The following RCC1 variants were observed in gnomAD, a reference collection of about 807,000 sequenced individuals.
RCC1 encodes regulator of chromosome condensation.
Under a neutral mutation model 44.4 loss-of-function variants are expected in RCC1, and 11 were observed. The observed-to-expected ratio is 0.25, with a 90% confidence interval of 0.16 to 0.41. RCC1 has a LOEUF of 0.41. RCC1 is among the 10% of genes least tolerant of loss of function. RCC1 has a pLI of 1.00. For missense variants in RCC1, 386 were observed against 547.1 expected (o/e 0.71, Z 2.94); for synonymous variants, 213 against 216.5 (o/e 0.98, Z 0.14).
At chr1:28,510,720 G>C (rs1662471885) in intron 3 of RCC1, 1 of 152,246 alleles carries the variant, frequency 6.6e-6, no homozygotes. Context: ...GGAACCAAAA[G>C]ACTAATTGTC....
rs1329616590 is a variant in RCC1, at chr1:28,532,356, G to T, written c.441+6G>T. 6.2e-7 allele frequency: 1 copy of T among 1,613,582 alleles called. No individual in the cohort carries two copies. The highest frequency in any genetic ancestry group is 8.5e-7 in the Non-Finnish European group (1 of 1,179,828). ...TCCTCTGGGGCTCCTTCCGGGTAAG[G>T]CTGGGTCTGAAAGTCTGCATGGTCC... On this transcript the variant is annotated splice_donor_region_variant and intron_variant, in intron 7 of 12. Transcript: ENST00000683442.
chr1:28,538,001 G>C lies in RCC1; in HGVS notation c.1260G>C (p.Gln420His). 6.2e-7 allele frequency: 1 copy of C among 1,613,198 alleles called. No individual in the cohort carries two copies. The highest frequency in any genetic ancestry group is 1.1e-5 in the South Asian group (1 of 90,818). The change falls in exon 13 of 13, where the codon CAG becomes CAC. Residue 420 changes from glutamine to histidine, a missense_variant. Coordinates refer to ENST00000683442, the MANE Select transcript of RCC1 (RefSeq NM_001381865.2). Reference sequence around the variant, plus strand: ...TCTTATTAGTCAAGGACAAAGAACAGAGCTGATGAAGCCTCTGAGGGCCTG... The same window carrying C: ...TCTTATTAGTCAAGGACAAAGAACACAGCTGATGAAGCCTCTGAGGGCCTG... ...HTVLLVKDKE[Q>H]S
intron 4 of RCC1, among the ~76,000 whole-genome samples, chr1:28,521,176 C>T (rs186952581): frequency 5.9e-5 from 9 of 152,206 alleles, no homozygotes; most frequent in South Asian, 2.1e-4. Flanking sequence ...GCTGTGCAGG[C>T]AGGTACCGGG....
rs1398570965 is a variant in RCC1 at position 28,538,114 on chromosome 1, GTGTCAGTTCC to G, written c.*110_*119del. On this transcript the variant is annotated 3_prime_UTR_variant, in exon 13 of 13. Transcript: ENST00000683442. Reference sequence around the variant, plus strand: ...GGGCCTCTCCCCAGCCCTGAGCACTGTGTCAGTTCCTGCCTTTTCTCATCAGCAGAACAGA... The same window carrying G: ...GGGCCTCTCCCCAGCCCTGAGCACTGTGCCTTTTCTCATCAGCAGAACAGA... 68 of 968,602 alleles carry G rather than the reference GTGTCAGTTCC, an allele frequency of 7.0e-5. No homozygotes were observed. The highest frequency in any genetic ancestry group is 9.0e-5 in the Non-Finnish European group (60 of 663,506). 60.0% of individuals were successfully genotyped at this position (968,602 alleles called of 1,614,324 possible).
chr1:28,535,517 C>A, intron 9 of RCC1, 137 bp downstream of exon 9: 1 of 1,372,102 alleles, frequency 7.3e-7, no homozygotes, highest in Non-Finnish European at 1.0e-6. Context: ...TGGAGACAGA[C>A]TGCTCTGGTA....
At chr1:28,510,017 T>C (rs1310494809) in intron 3 of RCC1, 1 of 152,086 alleles carries the variant, frequency 6.6e-6, no homozygotes, top group Admixed American at 6.6e-5. Flanking sequence ...TGAGTCACAA[T>C]GGAAACTTTG....
At chr1:28,508,733 C>T (rs752421901) in intron 2 of RCC1, 97 bp from the exon 3 acceptor site, 2 of 517,956 alleles carry the variant, frequency 3.9e-6, no homozygotes, top group South Asian at 2.8e-5. Context: ...TGGACAATGA[C>T]TGGGGAGACA....
Position 28,536,703 on chromosome 1 carries a change from A to G in RCC1, c.938-44A>G. 3 of 1,603,310 alleles carry G rather than the reference A, an allele frequency of 1.9e-6. No homozygotes were observed. The highest frequency in any genetic ancestry group is 2.2e-5 in the East Asian group (1 of 44,726). On this transcript the variant is annotated intron_variant, in intron 11 of 12. Transcript: ENST00000683442. The surrounding 1 kb of genome is among the most constrained non-coding windows in gnomAD (Gnocchi z 4.9). ...CTAGCCTGCCACCCATTTTGCCTGT[A>G]GCACGCCCTCTGCTATTGCTCATCT...
intron 4 of RCC1, among the ~76,000 whole-genome samples, chr1:28,520,144 C>CCTG (rs1434016516): frequency 6.6e-6 from 1 of 152,150 alleles, no homozygotes; most frequent in Non-Finnish European, 1.5e-5. Flanking sequence ...CACCTGTGTG[C>CCTG]CTGGCATAAC....
At chr1:28,514,914 A>G (rs543386450) in intron 3 of RCC1, among the ~76,000 whole-genome samples, 132 of 152,208 alleles carry the variant, frequency 8.7e-4, no homozygotes, top group African/African-American at 3.0e-3. Context: ...CTCACTATAT[A>G]GTCTTTGATA....
intron 3 of RCC1, chr1:28,510,314 C>G (rs1662425959): frequency 6.6e-6 from 1 of 152,142 alleles, no homozygotes; most frequent in Admixed American, 6.6e-5. Context: ...TTCTTACAAG[C>G]TAAGAGGAGT....
chr1:28,510,445 A>G (rs1265595497), intron 3 of RCC1: 1 of 152,182 alleles, frequency 6.6e-6, no homozygotes, highest in Non-Finnish European at 1.5e-5. Flanking sequence ...CAACGCGGTG[A>G]AACCCTGTCT....
At chr1:28,533,770 CAAAAAAAAAAAA>C (rs747565890) in intron 7 of RCC1, among the ~76,000 whole-genome samples, 18 of 31,974 alleles carry the variant, frequency 5.6e-4, no homozygotes, top group African/African-American at 1.6e-3. Context: ...AACTCTGTCT[CAAAAAAAAAAAA>C]AAAAAAAAAA....
intron 8 of RCC1, 41 bp downstream of exon 8, chr1:28,535,187 C>T (rs1451933573): frequency 6.2e-7 from 1 of 1,614,060 alleles, no homozygotes; most frequent in South Asian, 1.1e-5. Flanking sequence ...AGTTGGAGGA[C>T]CTTGTTCTGG....
chr1:28,516,996 C>G, intron 4 of RCC1, 129 bp downstream of exon 4: 1 of 396,358 alleles, frequency 2.5e-6, no homozygotes, highest in Non-Finnish European at 5.0e-6. Context: ...TGGCAGGCAC[C>G]TGTAATCCCA....
rs369454817 is a variant in RCC1 at position 28,537,890 on chromosome 1, G to A, written c.1149G>A (p.Glu383=). The change falls in exon 13 of 13, where the codon GAG becomes GAA. Residue 383 remains glutamate (E), a synonymous_variant. Transcript: ENST00000683442. ...ACCAGCTGGGCACAGGGCAGGATGA[G>A]GACGCCTGGAGCCCTGTGGAGATGA... The part of the protein sequence containing the change: ...TNYQLGTGQD[E]DAWSPVEMMG... 5.0e-6 allele frequency: 8 copies of A among 1,613,492 alleles called. No homozygotes were observed. Among genetic ancestry groups the A allele is most frequent in the Non-Finnish European group, 6.8e-6 (8 of 1,179,852 alleles).
intron 3 of RCC1, among the ~76,000 whole-genome samples, chr1:28,514,115 TGAGATCGTG>T: frequency 1.3e-5 from 2 of 149,490 alleles, no homozygotes; most frequent in Non-Finnish European, 3.0e-5. Flanking sequence ...TGCAGTGAGC[TGAGATCGTG>T]CCAGCCTAGG....
chr1:28,515,326 TGTGGTCCCAGCTACTCGGGAG>T (rs1483245222), intron 3 of RCC1, among the ~76,000 whole-genome samples: 2 of 151,736 alleles, frequency 1.3e-5, no homozygotes, highest in African/African-American at 4.8e-5. Flanking sequence ...GGTGCACATC[TGTGGTCCCAGCTACTCGGGAG>T]GCTGAGGCAG....
chr1:28,527,761 G>A (rs535209510), intron 4 of RCC1, among the ~76,000 whole-genome samples: 31 of 148,676 alleles, frequency 2.1e-4, no homozygotes, highest in East Asian at 8.1e-4. Flanking sequence ...CTGTAATCCC[G>A]CACTTTGGGA....
Sources: gnomAD v4.1 joint callset for allele counts (sites outside exome capture counted in the v4.1 genomes callset) on GRCh38, gnomAD v4.1.1 for gene constraint, Gnocchi (gnomAD v3.1) non-coding constraint, MANE v1.5 for transcripts, NCBI Gene and HGNC (gene_info 2026-07-23, HGNC 2026-07-21) for gene names.